The following PLEC variants were observed in gnomAD, a reference collection of about 807,000 sequenced individuals.
PLEC encodes the protein hemidesmosomal protein 1.
Under a neutral mutation model 392.8 loss-of-function variants are expected in PLEC, and 216 were observed. That is an observed-to-expected ratio of 0.55 (90% CI 0.49 to 0.62). The LOEUF (loss-of-function observed/expected upper bound fraction) is 0.62, where lower values mean the gene tolerates loss of function less well. Among genes scored for constraint, PLEC ranks in the 20% least tolerant of loss-of-function variants. The pLI is 0.00. For missense variants in PLEC, 6,863 were observed against 6,563.4 expected, an observed-to-expected ratio of 1.05 and a Z score of -1.58; for synonymous variants, 3,621 against 2,980.6, an observed-to-expected ratio of 1.21 and a Z score of -7.00.
chr8:143,930,870 C>G (rs1001371214), intron 19 of PLEC, among the ~76,000 whole-genome samples: 1 of 152,212 alleles, frequency 6.6e-6, no homozygotes, highest in East Asian at 1.9e-4. Context: ...CATCCCACCC[C>G]TCTGCGGGGG....
At chr8:143,956,396 C>T (rs554837982), upstream of PLEC, among the ~76,000 whole-genome samples, 6 of 152,220 alleles carry the variant, frequency 3.9e-5, no homozygotes, top group South Asian at 1.0e-3. Flanking sequence ...AGCAAGACAC[C>T]GTCTCTGCAA....
exon 1 of PLEC, chr8:143,950,359 C>A: frequency 1.3e-6 from 2 of 1,587,956 alleles, no homozygotes; most frequent in Middle Eastern, 3.3e-4. Context: ...GCACAGCCTG[C>A]ACGTGGGGGG....
rs1554704518 is a variant in PLEC, at chr8:143,925,892, C to T, written c.4045-8G>A. ...CTGCTGCTCAGCCAGCCTCTGTGGCCACAGCAGAGAGAAGAAGAGAAGCAG... is the reference window on the plus strand; with the variant it reads ...CTGCTGCTCAGCCAGCCTCTGTGGCTACAGCAGAGAGAAGAAGAGAAGCAG... On this transcript the variant is annotated splice_region_variant and splice_polypyrimidine_tract_variant and intron_variant, in intron 30 of 31. Coordinates refer to ENST00000345136, the MANE Select transcript of PLEC (RefSeq NM_201384.3). The T allele has an allele frequency of 6.5e-7, 1 of 1,539,966 alleles. No individual in the cohort carries two copies. Among genetic ancestry groups the T allele is most frequent in the Non-Finnish European group, 8.7e-7 (1 of 1,148,804 alleles).
chr8:143,969,438 G>T lies in PLEC; in HGVS notation c.70+3965C>A, dbSNP rs1336788864. 1.1e-4 allele frequency among the ~76,000 whole-genome samples: 16 copies of T among 152,226 alleles called. No homozygotes were observed. Among genetic ancestry groups the T allele is most frequent in the African/African-American group, 3.9e-4 (16 of 41,464 alleles). On this transcript the variant is annotated intron_variant, in intron 1 of 31. Coordinates refer to the PLEC transcript ENST00000356346. The surrounding 1 kb of genome is among the most constrained non-coding windows in gnomAD (Gnocchi z 5.1). ...CTGAGGGCTGTGGGCTGGTGACTTA[G>T]ACAGTCGGCCCAGCTGCCAAGAGGT...
upstream of PLEC, chr8:143,975,068 C>T (rs1833610859): frequency 1.6e-6 from 2 of 1,233,526 alleles, no homozygotes; most frequent in South Asian, 1.3e-5. The surrounding 1 kb of genome is among the most constrained non-coding windows in gnomAD (Gnocchi z 9.9). Context: ...ACCCGCAGAT[C>T]CCCCTAGGCC....
upstream of PLEC, among the ~76,000 whole-genome samples, chr8:143,958,134 A>G (rs10092179): frequency 0.46 from 70,132 of 152,046 alleles, 17,443 homozygotes; most frequent in African/African-American, 0.65. This position sits in a 1 kb window ranked among gnomAD's most constrained non-coding sequence, Gnocchi z 4.9. Flanking sequence ...TTGGCCCAAC[A>G]ACAGCCCGGC....
intron 1 of PLEC, among the ~76,000 whole-genome samples, chr8:143,961,286 C>T (rs1171838847): frequency 3.3e-5 from 5 of 151,104 alleles, no homozygotes; most frequent in African/African-American, 9.7e-5. Context: ...AGTGCAATGG[C>T]GCGATCTCAG....
Position 143,929,087 on chromosome 8 carries a change from G to T in PLEC, c.3260+16C>A. The T allele has an allele frequency of 6.4e-7, 1 of 1,559,648 alleles. No homozygotes were observed. On this transcript the variant is annotated intron_variant, in intron 25 of 31. Coordinates refer to ENST00000345136, the MANE Select transcript of PLEC (RefSeq NM_201384.3). ...CAGCCGACCCCAGCCCCTCGCCTGTGGCCAGGTGCACTCACTTCTCCAGGT... is the reference window on the plus strand; with the variant it reads ...CAGCCGACCCCAGCCCCTCGCCTGTTGCCAGGTGCACTCACTTCTCCAGGT...
rs982485642 is a variant in PLEC, at chr8:143,919,251, T to C, written c.10570A>G (p.Arg3524Gly). 3.1e-6 allele frequency: 5 copies of C among 1,613,968 alleles called. No homozygotes were observed. The highest frequency in any genetic ancestry group is 3.4e-6 in the Non-Finnish European group (4 of 1,180,028). ...DPNTHENLTYRQLLERCVEDP... is the reference protein window; with the variant it reads ...DPNTHENLTYGQLLERCVEDP... ...TCCACGCACCGCTCCAGCAGCTGCC[T>C]GTACGTGAGGTTCTCATGCGTGTTG... Residue 3524 changes from arginine (R) to glycine (G), a missense_variant, in exon 32 of 32, where the codon AGG (arginine) becomes GGG (glycine). Arg to Gly is a moderately radical substitution (Grantham distance 125). Coordinates refer to ENST00000345136, the MANE Select transcript of PLEC (RefSeq NM_201384.3).
chr8:143,944,784 C>A, intron 1 of PLEC: 1 of 1,088,202 alleles, frequency 9.2e-7, no homozygotes, highest in Non-Finnish European at 1.2e-6. Context: ...AGGGCACGGC[C>A]GTGCTGCTGT....
intron 25 of PLEC, among the ~76,000 whole-genome samples, chr8:143,928,591 C>T (rs1218293790): frequency 1.9e-5 from 2 of 103,102 alleles, no homozygotes; most frequent in South Asian, 3.0e-4. Flanking sequence ...GAGTAGACAG[C>T]GGGTGGACCT....
At chr8:143,947,987 G>C (rs782383763) in intron 1 of PLEC, among the ~76,000 whole-genome samples, 3 of 152,136 alleles carry the variant, frequency 2.0e-5, no homozygotes, top group Non-Finnish European at 4.4e-5. Context: ...TTCCCATCAC[G>C]CTCTCCTCAC....
Position 143,937,359 on chromosome 8 carries a change from C to T in PLEC, c.265-117G>A. 3.9e-6 allele frequency: 3 copies of T among 765,840 alleles called. No homozygotes were observed. In the South Asian group the frequency reaches 4.5e-5, roughly 11 times the overall value. The allele number at this position is 765,840 out of a possible 1,614,324, so 47.4% of individuals were successfully genotyped here. ...AGGGTCTTCCCCAGGGGGCAGCAGC[C>T]CCTCATCCCAGGTTCACCCTCCCCC... On this transcript the variant is annotated intron_variant, in intron 3 of 31. Transcript: ENST00000345136.
chr8:143,929,407 C>T lies in PLEC; in HGVS notation c.3081+7G>A. ...GATGGGACTGGATGGGGGGGGACGGCCCCTGCCTGCTGCTCGGCGATGCGC... is the reference window on the plus strand; with the variant it reads ...GATGGGACTGGATGGGGGGGGACGGTCCCTGCCTGCTGCTCGGCGATGCGC... On this transcript the variant is annotated splice_region_variant and intron_variant, in intron 24 of 31. Coordinates refer to ENST00000345136, the MANE Select transcript of PLEC (RefSeq NM_201384.3). 1 of 1,560,962 alleles carries T rather than the reference C, an allele frequency of 6.4e-7. No individual in the cohort carries two copies. Among genetic ancestry groups the T allele is most frequent in the Non-Finnish European group, 8.7e-7 (1 of 1,155,768 alleles).
At chr8:143,941,933 C>T (rs1830533820), upstream of PLEC, among the ~76,000 whole-genome samples, 1 of 152,176 alleles carries the variant, frequency 6.6e-6, no homozygotes, top group African/African-American at 2.4e-5. Context: ...GAGTATCGCC[C>T]CCGTTTTACA....
At chr8:143,937,770 G>A (rs570048085) in intron 3 of PLEC, 8 of 505,484 alleles carry the variant, frequency 1.6e-5, no homozygotes, top group African/African-American at 9.6e-5. Context: ...TCCTGCTTAC[G>A]TCCCGCTCCC....
rs1035066766 is a variant in PLEC at position 143,921,277 on chromosome 8, G to A, written c.8544C>T (p.Asp2848=). 1.2e-5 allele frequency: 19 copies of A among 1,613,962 alleles called. No individual in the cohort carries two copies. The highest frequency in any genetic ancestry group is 6.7e-5 in the East Asian group (3 of 44,898). ...TGGGGTCAAAGAAGCCCTTGGTGTCGTCGCTGGGGTCCGCCAGGACGCGGT... is the reference window on the plus strand; with the variant it reads ...TGGGGTCAAAGAAGCCCTTGGTGTCATCGCTGGGGTCCGCCAGGACGCGGT... ...EMNRVLADPS[D]DTKGFFDPNT... is the part of the protein sequence containing the mutation. The change falls in exon 32 of 32, where the codon GAC becomes GAT. Residue 2848 remains aspartate (D), a synonymous_variant. Coordinates refer to ENST00000345136, the MANE Select transcript of PLEC (RefSeq NM_201384.3).
rs553901912 is a variant in PLEC, at chr8:143,929,401, G to C, written c.3081+13C>G. 363 of 1,561,054 alleles carry C rather than the reference G, an allele frequency of 2.3e-4. 4 individuals are homozygous for C. The East Asian group carries it at 8.4e-3, about 36-fold the overall frequency. ...GAGAGGGATGGGACTGGATGGGGGGGGACGGCCCCTGCCTGCTGCTCGGCG... is the reference window on the plus strand; with the variant it reads ...GAGAGGGATGGGACTGGATGGGGGGCGACGGCCCCTGCCTGCTGCTCGGCG... On this transcript the variant is annotated intron_variant, in intron 24 of 31. Coordinates refer to ENST00000345136, the MANE Select transcript of PLEC (RefSeq NM_201384.3).
chr8:143,918,559 C>A lies in PLEC; in HGVS notation c.11262G>T (p.Gly3754=). 6.2e-7 allele frequency: 1 copy of A among 1,610,958 alleles called. No individual in the cohort carries two copies. The highest frequency in any genetic ancestry group is 1.1e-5 in the South Asian group (1 of 91,032). The change falls in exon 32 of 32, where the codon GGG becomes GGT. Residue 3754 remains glycine, a synonymous_variant. Coordinates refer to ENST00000345136, the MANE Select transcript of PLEC (RefSeq NM_201384.3). ...VDEAVRKGLV[G]PELHDRLLSA... is the part of the protein sequence containing the mutation. ...AGAGCAGGCGGTCGTGCAGCTCGGG[C>A]CCCACGAGGCCCTTCCGCACAGCCT... is the stretch of plus-strand genomic sequence containing the variant.
Sources: gnomAD v4.1 joint callset for allele counts (sites outside exome capture counted in the v4.1 genomes callset) on GRCh38, gnomAD v4.1.1 for gene constraint, Gnocchi (gnomAD v3.1) non-coding constraint, MANE v1.5 for transcripts, NCBI Gene and HGNC (gene_info 2026-07-23, HGNC 2026-07-21) for gene names.